PLCB1: variants seen among roughly 807,000 people sequenced by gnomAD.
The protein encoded by PLCB1 is 1-phosphatidylinositol 4,5-bisphosphate phosphodiesterase beta-1.
Under a neutral mutation model 161.8 loss-of-function variants are expected in PLCB1, and 46 were observed. The ratio of observed to expected loss-of-function variants is 0.28; its 90% CI spans 0.22 to 0.36. The LOEUF (loss-of-function observed/expected upper bound fraction) is 0.36. Ranked by LOEUF, PLCB1 falls within the 10% of genes least tolerant of loss-of-function variation. The pLI, the probability that PLCB1 is intolerant of heterozygous loss-of-function variation, is 1.00. For missense variants in PLCB1, 1,016 were observed against 1,472.5 expected (o/e 0.69, Z 5.07); for synonymous variants, 517 against 503.7 (o/e 1.03, Z -0.35).
At chr20:8,537,582 C>G (rs537527412) in intron 3 of PLCB1, among the ~76,000 whole-genome samples, 1 of 152,236 alleles carries the variant, frequency 6.6e-6, no homozygotes, top group African/African-American at 2.4e-5. Flanking sequence ...GAGCCCTTTC[C>G]TGCCCCGCTC....
At chr20:8,639,038 G>A (rs1169367378) in intron 4 of PLCB1, among the ~76,000 whole-genome samples, 1 of 152,136 alleles carries the variant, frequency 6.6e-6, no homozygotes, top group East Asian at 1.9e-4. Flanking sequence ...ACTGCCTGGG[G>A]TGGGCATTGT....
At chr20:8,827,141 C>A (rs1222993242) in intron 31 of PLCB1, among the ~76,000 whole-genome samples, 1 of 152,178 alleles carries the variant, frequency 6.6e-6, no homozygotes, top group Non-Finnish European at 1.5e-5. Context: ...TCCAATGCTG[C>A]ATTTTTTGTA....
intron 2 of PLCB1, among the ~76,000 whole-genome samples, chr20:8,276,128 A>C (rs995367481): frequency 6.6e-6 from 1 of 152,228 alleles, no homozygotes; most frequent in Non-Finnish European, 1.5e-5. Context: ...AGCAAAACTT[A>C]AAACAAAAAA....
At chr20:8,244,157 G>A (rs2040018555) in intron 2 of PLCB1, among the ~76,000 whole-genome samples, 1 of 151,902 alleles carries the variant, frequency 6.6e-6, no homozygotes, top group Non-Finnish European at 1.5e-5. Flanking sequence ...TGCATTGCTG[G>A]TAGCAGTGTA....
At chr20:8,613,055 C>T (rs1230351869) in intron 3 of PLCB1, among the ~76,000 whole-genome samples, 1 of 152,076 alleles carries the variant, frequency 6.6e-6, no homozygotes, top group African/African-American at 2.4e-5. Flanking sequence ...AGCAGTAGAG[C>T]TTGGAACTGT....
chr20:8,609,119 G>A (rs867428365), intron 3 of PLCB1, among the ~76,000 whole-genome samples: 4 of 152,256 alleles, frequency 2.6e-5, no homozygotes, highest in Middle Eastern at 3.4e-3. Context: ...TTTCATATAT[G>A]CAGTAGGCAT....
intron 5 of PLCB1, among the ~76,000 whole-genome samples, chr20:8,646,575 T>G (rs1008561928): frequency 6.6e-6 from 1 of 152,250 alleles, no homozygotes; most frequent in Non-Finnish European, 1.5e-5. Context: ...TCCTCATTTC[T>G]GTAGAGTTAT....
chr20:8,144,682 C>T (rs1448373807), intron 1 of PLCB1, among the ~76,000 whole-genome samples: 1 of 152,198 alleles, frequency 6.6e-6, no homozygotes, highest in Non-Finnish European at 1.5e-5. Flanking sequence ...TTTAGTTTGA[C>T]AAGCATCACA....
chr20:8,508,991 A>T (rs1193840612), intron 3 of PLCB1, among the ~76,000 whole-genome samples: 1 of 152,138 alleles, frequency 6.6e-6, no homozygotes, highest in East Asian at 1.9e-4. Flanking sequence ...TCTTTCAGAT[A>T]ATGCATTCCT....
At chr20:8,446,395 G>A (rs1980828071) in intron 3 of PLCB1, among the ~76,000 whole-genome samples, 1 of 152,124 alleles carries the variant, frequency 6.6e-6, no homozygotes. Flanking sequence ...ATTAGGTATT[G>A]ATGGGATGTA....
chr20:8,535,308 A>G lies in PLCB1; in HGVS notation c.247-92986A>G, dbSNP rs186881682. ...CTATTTTGTTGTAATTAGAATATGC[A>G]ATTATTATATATTAAACATATCTAC... On this transcript the variant is annotated intron_variant, in intron 3 of 31. Coordinates refer to ENST00000338037, the MANE Select transcript of PLCB1 (RefSeq NM_015192.4). 2.3e-4 allele frequency among the ~76,000 whole-genome samples: 35 copies of G among 151,664 alleles called. 1 individual carries two copies. Among genetic ancestry groups the G allele is most frequent in the South Asian group, 6.2e-4 (3 of 4,816 alleles).
At chr20:8,370,882 G>C (rs1986881813) in intron 2 of PLCB1, among the ~76,000 whole-genome samples, 1 of 152,182 alleles carries the variant, frequency 6.6e-6, no homozygotes, top group Non-Finnish European at 1.5e-5. Flanking sequence ...TAATGATTAA[G>C]TGAAAAGATC....
intron 9 of PLCB1, among the ~76,000 whole-genome samples, chr20:8,674,974 T>C (rs1990038753): frequency 6.6e-6 from 1 of 152,166 alleles, no homozygotes; most frequent in African/African-American, 2.4e-5. Flanking sequence ...TCTAGAAGTC[T>C]CCTTATTTTT....
chr20:8,465,503 A>G (rs1981778028), intron 3 of PLCB1, among the ~76,000 whole-genome samples: 2 of 152,238 alleles, frequency 1.3e-5, no homozygotes, highest in East Asian at 3.9e-4. Context: ...GACTCCCCAC[A>G]TTGGAAAGTC....
At chr20:8,503,739 G>A (rs1983521401) in intron 3 of PLCB1, among the ~76,000 whole-genome samples, 1 of 151,970 alleles carries the variant, frequency 6.6e-6, no homozygotes, top group Non-Finnish European at 1.5e-5. Flanking sequence ...GGGGGTCTGA[G>A]GGAGACTTTT....
At chr20:8,570,227 G>A (rs2123048115) in intron 3 of PLCB1, among the ~76,000 whole-genome samples, 1 of 152,272 alleles carries the variant, frequency 6.6e-6, no homozygotes, top group East Asian at 1.9e-4. Context: ...GCCTGTCGGT[G>A]AACCCAAAAC....
intron 2 of PLCB1, among the ~76,000 whole-genome samples, chr20:8,190,024 A>C (rs193045671): frequency 1.1e-4 from 16 of 152,206 alleles, no homozygotes; most frequent in African/African-American, 3.9e-4. Flanking sequence ...ATTAATGGCA[A>C]ACTTATGACT....
intron 2 of PLCB1, among the ~76,000 whole-genome samples, chr20:8,204,354 A>T (rs1284434121): frequency 1.3e-5 from 2 of 152,180 alleles, no homozygotes; most frequent in Non-Finnish European, 2.9e-5. Context: ...ATTCTTGATC[A>T]TTCATCCTGT....
intron 2 of PLCB1, among the ~76,000 whole-genome samples, chr20:8,214,891 T>C (rs1254096011): frequency 6.6e-6 from 1 of 151,090 alleles, no homozygotes; most frequent in Non-Finnish European, 1.5e-5. Context: ...TGTTTGCACT[T>C]TCTTGCTTGA....
Sources: gnomAD v4.1 joint callset for allele counts (sites outside exome capture counted in the v4.1 genomes callset) on GRCh38, gnomAD v4.1.1 for gene constraint, MANE v1.5 for transcripts, NCBI Gene and HGNC (gene_info 2026-07-23, HGNC 2026-07-21) for gene names.